The following SLC9A7 variants were observed in gnomAD, a reference collection of about 807,000 sequenced individuals.
SLC9A7 encodes the protein solute carrier family 9 member A7.
In SLC9A7, 19 loss-of-function variants were observed where a neutral mutation model predicts 52.6. The ratio of observed to expected loss-of-function variants is 0.36; its 90% CI spans 0.25 to 0.53. The LOEUF (loss-of-function observed/expected upper bound fraction) is 0.53. Among genes scored for constraint, SLC9A7 ranks in the 20% least tolerant of loss-of-function variants. The pLI, the probability that SLC9A7 is intolerant of heterozygous loss-of-function variation, is 0.91. For synonymous variants in SLC9A7, 226 were observed against 252.1 expected (o/e 0.90, Z 0.98); for missense variants, 455 against 597.9 (o/e 0.76, Z 2.49).
intron 14 of SLC9A7, among the ~76,000 whole-genome samples, chrX:46,621,320 G>A (rs2146699837): frequency 8.9e-6 from 1 of 111,945 alleles, no homozygotes; most frequent in South Asian, 3.7e-4. Flanking sequence ...CATTTCTTTT[G>A]GCATTCTTAT....
intron 7 of SLC9A7, among the ~76,000 whole-genome samples, chrX:46,660,417 A>G: frequency 9.1e-6 from 1 of 110,449 alleles, no homozygotes; most frequent in South Asian, 3.9e-4. Flanking sequence ...AGAAACTACC[A>G]TCAGAGTGAA....
chrX:46,711,680 T>C (rs183103975), intron 1 of SLC9A7, among the ~76,000 whole-genome samples: 4 of 110,322 alleles, frequency 3.6e-5, no homozygotes, highest in Non-Finnish European at 7.6e-5. Context: ...AAAATAATGG[T>C]GGCTTAGACA....
In SLC9A7 at chrX:46,674,627, T is replaced by G. The variant is rs910347284; in HGVS notation, c.604-2000A>C. On this transcript the variant is annotated intron_variant, in intron 3 of 16. Coordinates refer to ENST00000616978, the MANE Select transcript of SLC9A7 (RefSeq NM_001257291.2). ...CTCCTGACCCCAAAGCATCATGCTC[T>G]CACTGCGCAAGCTGCCCTGCTACCC... Among the ~76,000 whole-genome samples the G allele has an allele frequency of 3.6e-5, 4 of 111,620 alleles. No homozygotes were observed. In the Admixed American group the frequency reaches 3.8e-4, roughly 11 times the overall value.
chrX:46,671,301 C>T (rs1335297879), intron 4 of SLC9A7, among the ~76,000 whole-genome samples: 1 of 110,772 alleles, frequency 9.0e-6, no homozygotes, highest in African/African-American at 3.3e-5. Context: ...CACTCTGTCG[C>T]CCAGGCTGGA....
chrX:46,758,846 C>T lies in SLC9A7; in HGVS notation c.184G>A (p.Glu62Lys). Residue 62 changes from glutamate (E) to lysine (K), a missense_variant, in exon 1 of 17, where the codon GAG (glutamate) becomes AAG (lysine). Glu to Lys is a moderately conservative substitution (Grantham distance 56). Around this residue, in one of 3 missense-constraint regions of SLC9A7, gnomAD observed 304 missense variants for 417.8 expected, o/e 0.73. Coordinates refer to ENST00000616978, the MANE Select transcript of SLC9A7 (RefSeq NM_001257291.2). ...SAMEELATEK[E>K]AEESHRQDSV... ...TCTTGCCGGTGGCTCTCCTCCGCCT[C>T]CTTCTCAGTAGCGAGCTCCTCCATG... 2.5e-6 allele frequency: 3 copies of T among 1,206,327 alleles called. No individual in the cohort carries two copies. Among genetic ancestry groups the T allele is most frequent in the Non-Finnish European group, 3.4e-6 (3 of 893,383 alleles).
chrX:46,641,063 C>T (rs1010923950), intron 12 of SLC9A7, among the ~76,000 whole-genome samples: 3 of 112,600 alleles, frequency 2.7e-5, no homozygotes, highest in Admixed American at 1.9e-4. Context: ...AATTTATGCC[C>T]ATGCAAAAAC....
intron 1 of SLC9A7, among the ~76,000 whole-genome samples, chrX:46,728,601 A>G (rs977767774): frequency 9.8e-5 from 11 of 112,534 alleles, no homozygotes; most frequent in African/African-American, 3.2e-4. Flanking sequence ...AAAGTTAAAC[A>G]TACACTCACC....
chrX:46,717,883 T>C (rs917438238), intron 1 of SLC9A7, among the ~76,000 whole-genome samples: 1 of 111,371 alleles, frequency 9.0e-6, no homozygotes, highest in Admixed American at 9.5e-5. Flanking sequence ...AGGTAATTCA[T>C]AGATTCAATG....
At chrX:46,706,242 G>C (rs1252402261) in intron 1 of SLC9A7, among the ~76,000 whole-genome samples, 1 of 97,725 alleles carries the variant, frequency 1.0e-5, no homozygotes, top group African/African-American at 3.7e-5. Flanking sequence ...GCCATTGAAA[G>C]TAATGGCAAA....
At chrX:46,618,094 T>C (rs1312709200) in intron 15 of SLC9A7, among the ~76,000 whole-genome samples, 1 of 111,163 alleles carries the variant, frequency 9.0e-6, no homozygotes, top group Non-Finnish European at 1.9e-5. Context: ...AGCCCTGTGG[T>C]TGGTGAGCCA....
intron 1 of SLC9A7, among the ~76,000 whole-genome samples, chrX:46,743,419 C>T (rs1042745412): frequency 1.6e-4 from 18 of 112,372 alleles, no homozygotes; most frequent in Middle Eastern, 4.6e-3. Flanking sequence ...TCAATAAGAA[C>T]GCCTGATCAG....
chrX:46,725,177 T>C, intron 1 of SLC9A7: 1 of 832,411 alleles, frequency 1.2e-6, no homozygotes, highest in African/African-American at 2.0e-5. Context: ...TAGGGATCTG[T>C]GGCAATCCAA....
At position 46,600,666 on chromosome X, in the gene SLC9A7, T is replaced by A. The variant is rs1174732404; in HGVS notation, c.*6286A>T. Reference sequence around the variant, plus strand: ...GTGTTTAATTTTTTAAAAATGTCTATGAAAATTGACACTGGAAAAAACTGT... The same window carrying A: ...GTGTTTAATTTTTTAAAAATGTCTAAGAAAATTGACACTGGAAAAAACTGT... On this transcript the variant is annotated 3_prime_UTR_variant, in exon 17 of 17. Coordinates refer to ENST00000616978, the MANE Select transcript of SLC9A7 (RefSeq NM_001257291.2). The A allele has an allele frequency of 8.9e-6, 1 of 112,553 alleles. No homozygotes were observed. The highest frequency in any genetic ancestry group is 1.9e-5 in the Non-Finnish European group (1 of 53,303). 9.3% of individuals were successfully genotyped at this position (112,553 alleles called of 1,213,427 possible). A position where few individuals can be genotyped will look rare whatever the true frequency, so the allele number is the denominator to read the frequency against.
chrX:46,748,167 T>C (rs952777880), intron 1 of SLC9A7, among the ~76,000 whole-genome samples: 1 of 109,983 alleles, frequency 9.1e-6, no homozygotes, highest in African/African-American at 3.3e-5. Context: ...ACTAACATGA[T>C]GAAACCCCAT....
intron 3 of SLC9A7, among the ~76,000 whole-genome samples, chrX:46,676,682 C>T (rs750511111): frequency 9.0e-6 from 1 of 111,651 alleles, no homozygotes; most frequent in South Asian, 3.8e-4. Flanking sequence ...AAGAAGAGTT[C>T]CCAAATTCTC....
intron 14 of SLC9A7, among the ~76,000 whole-genome samples, chrX:46,622,422 G>T (rs1943061188): frequency 9.0e-6 from 1 of 111,727 alleles, no homozygotes; most frequent in South Asian, 3.7e-4. Flanking sequence ...ATATATAATG[G>T]AAAAAATCAA....
At chrX:46,700,734 A>C (rs1284363556) in intron 1 of SLC9A7, among the ~76,000 whole-genome samples, 1 of 111,958 alleles carries the variant, frequency 8.9e-6, no homozygotes, top group Admixed American at 9.5e-5. Context: ...CAAGTTGACT[A>C]ATACACCATC....
chrX:46,661,285 G>A (rs1943816182), intron 7 of SLC9A7, among the ~76,000 whole-genome samples: 1 of 110,314 alleles, frequency 9.1e-6, no homozygotes, highest in South Asian at 3.9e-4. Context: ...TGACGAGTTA[G>A]TGGGTGCAGC....
At position 46,629,971 on chromosome X, in the gene SLC9A7, C is replaced by T. The variant is rs1943195690; in HGVS notation, c.1740+1615G>A. Among the ~76,000 whole-genome samples the T allele has an allele frequency of 3.6e-5, 4 of 112,039 alleles. No homozygotes were observed. In the Admixed American group the frequency reaches 3.8e-4, roughly 11 times the overall value. ...ACTGAGACCACATGCTCCCAACTGA[C>T]ATAATGGCCAATTCTAAGATCATCT... On this transcript the variant is annotated intron_variant, in intron 14 of 16. Coordinates refer to ENST00000616978, the MANE Select transcript of SLC9A7 (RefSeq NM_001257291.2).
Sources: gnomAD v4.1 joint callset for allele counts (sites outside exome capture counted in the v4.1 genomes callset) on GRCh38, gnomAD v4.1.1 for gene constraint, gnomAD v4.1.1 regional missense constraint, MANE v1.5 for transcripts, NCBI Gene and HGNC (gene_info 2026-07-23, HGNC 2026-07-21) for gene names.